Variants in CACNA1S observed in about 807,000 individuals in gnomAD.
The protein encoded by CACNA1S is voltage-dependent L-type calcium channel subunit alpha-1S.
In CACNA1S, 126 loss-of-function variants were observed where a neutral mutation model predicts 207.4. The ratio of observed to expected loss-of-function variants is 0.61; its 90% CI spans 0.53 to 0.70. CACNA1S has a LOEUF of 0.70. Ranked by LOEUF, CACNA1S falls within the 30% of genes least tolerant of loss-of-function variation. The pLI is 0.00. For synonymous variants in CACNA1S, 960 were observed against 932.7 expected, an observed-to-expected ratio of 1.03 and a Z score of -0.53; for missense variants, 2,349 against 2,422.8, an observed-to-expected ratio of 0.97 and a Z score of 0.64.
Position 201,084,868 on chromosome 1 carries a change from T to C in CACNA1S, c.1232+82A>G, listed in dbSNP as rs186921522. On this transcript the variant is annotated intron_variant, in intron 9 of 43. Coordinates refer to ENST00000362061, the MANE Select transcript of CACNA1S (RefSeq NM_000069.3). ...ATTAGACAAGTGACTCTGAAACCAC[T>C]GAGGGGAAGTAACTGGACTCTACCC... 1,129 of 974,468 alleles carry C rather than the reference T, an allele frequency of 1.2e-3. 9 individuals carry two copies. The highest frequency in any genetic ancestry group is 4.7e-3 in the African/African-American group (297 of 62,958). The allele number at this position is 974,468 out of a possible 1,614,324, so 60.4% of individuals were successfully genotyped here. A position where few individuals can be genotyped will look rare whatever the true frequency, so the allele number is the denominator to read the frequency against.
intron 27 of CACNA1S, 114 bp downstream of exon 27, chr1:201,059,075 G>A (rs1660950783): frequency 1.4e-6 from 1 of 694,740 alleles, no homozygotes; most frequent in South Asian, 1.6e-5. Flanking sequence ...GTTGGGAGCA[G>A]AAGTGCTGGG....
chr1:201,100,389 A>G (rs1203211516), intron 2 of CACNA1S, among the ~76,000 whole-genome samples: 3 of 152,336 alleles, frequency 2.0e-5, no homozygotes, highest in Admixed American at 1.3e-4. Flanking sequence ...CTGGGTGTCC[A>G]GGGCCCTGGC....
At chr1:201,075,449 A>ACC in intron 13 of CACNA1S, 46 bp downstream of exon 13, 1 of 1,063,654 alleles carries the variant, frequency 9.4e-7, no homozygotes, top group Non-Finnish European at 1.3e-6. Flanking sequence ...CCTTTCCCCC[A>ACC]CCCCCTCCCT....
At chr1:201,059,127 C>T in intron 27 of CACNA1S, 62 bp downstream of exon 27, 1 of 1,038,828 alleles carries the variant, frequency 9.6e-7, no homozygotes, top group Non-Finnish European at 1.5e-6. Flanking sequence ...GTGGATGTTC[C>T]ACTGGAAGGT....
intron 11 of CACNA1S, among the ~76,000 whole-genome samples, chr1:201,077,471 G>C (rs1291430032): frequency 1.3e-5 from 2 of 152,190 alleles, no homozygotes. Context: ...CGGATAAATA[G>C]TGCAAGCAGA....
chr1:201,112,053 A>T (rs1663134533), intron 1 of CACNA1S, 135 bp downstream of exon 1: 2 of 749,240 alleles, frequency 2.7e-6, no homozygotes, highest in African/African-American at 3.8e-5. Context: ...CTCCTCACTC[A>T]ATTCTGTGAG....
chr1:201,083,960 A>G (rs1661934419), intron 9 of CACNA1S, among the ~76,000 whole-genome samples: 1 of 152,158 alleles, frequency 6.6e-6, no homozygotes, highest in African/African-American at 2.4e-5. Context: ...ATACTCATCC[A>G]CAACTGTTCC....
intron 2 of CACNA1S, among the ~76,000 whole-genome samples, chr1:201,107,819 T>C (rs1265396036): frequency 1.3e-5 from 2 of 152,152 alleles, no homozygotes; most frequent in South Asian, 2.1e-4. Context: ...ATCACCGACT[T>C]TCTCTGGGCT....
intron 37 of CACNA1S, 117 bp downstream of exon 37, chr1:201,047,408 T>C: frequency 1.6e-6 from 2 of 1,232,150 alleles, no homozygotes; most frequent in Admixed American, 1.9e-5. Flanking sequence ...GGGATCTACC[T>C]AAGGCATTTA....
intron 2 of CACNA1S, among the ~76,000 whole-genome samples, chr1:201,101,984 C>A (rs1167823416): frequency 1.3e-5 from 2 of 152,146 alleles, no homozygotes; most frequent in African/African-American, 4.8e-5. Context: ...CCCAAAGGGG[C>A]TTTCTCTTTC....
intron 2 of CACNA1S, among the ~76,000 whole-genome samples, chr1:201,098,926 G>A (rs1371519281): frequency 6.6e-6 from 1 of 152,090 alleles, no homozygotes; most frequent in Non-Finnish European, 1.5e-5. Context: ...AACTTAGCTG[G>A]AGGTTGGCGT....
At chr1:201,043,912 T>G (rs1197311805) in intron 39 of CACNA1S, among the ~76,000 whole-genome samples, 1 of 152,098 alleles carries the variant, frequency 6.6e-6, no homozygotes, top group Admixed American at 6.5e-5. Flanking sequence ...TCCTCATGAA[T>G]AACCCAAAAA....
intron 34 of CACNA1S, among the ~76,000 whole-genome samples, chr1:201,050,090 C>T (rs960868668): frequency 2.6e-5 from 4 of 152,104 alleles, no homozygotes; most frequent in South Asian, 2.1e-4. Flanking sequence ...GTCAGAGGAC[C>T]GCACTTTGAT....
rs1660623327 is a variant in CACNA1S, at chr1:201,050,864, C to T, written c.4113+120G>A. The T allele has an allele frequency of 3.7e-6, 4 of 1,091,020 alleles. No individual in the cohort carries two copies. The African/African-American group carries it at 6.2e-5, about 17-fold the overall frequency. 67.6% of individuals were successfully genotyped at this position (1,091,020 alleles called of 1,614,324 possible). A position where few individuals can be genotyped will look rare whatever the true frequency, so the allele number is the denominator to read the frequency against. On this transcript the variant is annotated intron_variant, in intron 33 of 43. Transcript: ENST00000362061. ...TGGGGGACAACCTAACTAGAGCCTC[C>T]TGCGTCCCCGAGATGAATCCCAGGA...
chr1:201,061,862 T>C (rs766521290), intron 24 of CACNA1S, 82 bp downstream of exon 24: 3 of 1,502,810 alleles, frequency 2.0e-6, no homozygotes, highest in Admixed American at 3.3e-5. Flanking sequence ...AGTAGCACCG[T>C]GGGGGCTGCA....
In CACNA1S at chr1:201,043,360, C is replaced by T; in HGVS notation, c.4969G>A (p.Ala1657Thr). 1 of 1,614,158 alleles carries T rather than the reference C, an allele frequency of 6.2e-7. No individual in the cohort carries two copies. The highest frequency in any genetic ancestry group is 2.2e-5 in the East Asian group (1 of 44,878). Residue 1657 changes from alanine (A) to threonine (T), a missense_variant, in exon 40 of 44, where the codon GCT becomes ACT. Transcript: ENST00000362061. ...TTGGCATTGTTGGTATTGGCACGAG[C>T]CAGGGGGTTGGTGCGTGGATCTTGT... The part of the protein sequence containing the change: ...FPQDPRTNPL[A>T]RANTNNANAN...
chr1:201,050,385 T>G lies in CACNA1S; in HGVS notation c.4241+4A>C, dbSNP rs1316375012. The G allele has an allele frequency of 1.1e-5, 18 of 1,613,964 alleles. No homozygotes were observed. The highest frequency in any genetic ancestry group is 1.5e-5 in the Non-Finnish European group (18 of 1,179,938). ...CCAGCACAGAGCCTACAGATTGGACTCACTTAGCCTCTGGGTCATACTCTG... is the reference window on the plus strand; with the variant it reads ...CCAGCACAGAGCCTACAGATTGGACGCACTTAGCCTCTGGGTCATACTCTG... On this transcript the variant is annotated splice_donor_region_variant and intron_variant, in intron 34 of 43. Coordinates refer to ENST00000362061, the MANE Select transcript of CACNA1S (RefSeq NM_000069.3).
At chr1:201,111,964 C>G (rs1198272705) in intron 1 of CACNA1S, among the ~76,000 whole-genome samples, 1 of 146,788 alleles carries the variant, frequency 6.8e-6, no homozygotes, top group Admixed American at 6.8e-5. Flanking sequence ...CCTCCTCTTC[C>G]TCCTCCTCCC....
rs1449972778 is a variant in CACNA1S, at chr1:201,040,307, T to C, written c.5294A>G (p.Glu1765Gly). 2.5e-6 allele frequency: 4 copies of C among 1,613,826 alleles called. No individual in the cohort carries two copies. The East Asian group carries it at 8.9e-5, about 36-fold the overall frequency. Residue 1765 changes from glutamate to glycine, a missense_variant, in exon 43 of 44, where the codon GAG (glutamate) becomes GGG (glycine). Coordinates refer to ENST00000362061, the MANE Select transcript of CACNA1S (RefSeq NM_000069.3). The stretch of plus-strand genomic sequence containing the variant: ...CCTGGTGCTCCTGCTGTGGGGTGTC[T>C]CCTCATGAAGAGACCCTGGTGTGGA... ...KSSTPGSLHE[E>G]TPHSRSTREN...
Sources: gnomAD v4.1 joint callset for allele counts (sites outside exome capture counted in the v4.1 genomes callset) on GRCh38, gnomAD v4.1.1 for gene constraint, MANE v1.5 for transcripts, NCBI Gene and HGNC (gene_info 2026-07-23, HGNC 2026-07-21) for gene names.